Variants in ANKRD10 observed in about 807,000 individuals in gnomAD.
ANKRD10 encodes ankyrin repeat domain 10, also known as ankyrin repeat domain-containing protein 10.
In ANKRD10, 14 loss-of-function variants were observed where a neutral mutation model predicts 27.0. The observed-to-expected ratio is 0.52, with a 90% CI of 0.34 to 0.81. The LOEUF (loss-of-function observed/expected upper bound fraction) is 0.81, where lower values mean the gene tolerates loss of function less well. Ranked by LOEUF, ANKRD10 falls within the 40% of genes least tolerant of loss-of-function variation. The probability of loss-of-function intolerance (pLI) is 0.01; values close to 1 mark genes in which losing one functional copy is unlikely to be tolerated. For missense variants in ANKRD10, 493 were observed against 544.0 expected, an observed-to-expected ratio of 0.91 and a Z score of 0.93; for synonymous variants, 250 against 224.5, an observed-to-expected ratio of 1.11 and a Z score of -1.01.
At chr13:110,880,632 T>A (rs2064797865) in intron 5 of ANKRD10, among the ~76,000 whole-genome samples, 1 of 152,204 alleles carries the variant, frequency 6.6e-6, no homozygotes, top group African/African-American at 2.4e-5. Context: ...ATGAGGTTTT[T>A]AAAAAATCTT....
In ANKRD10 at chr13:110,893,151, T is replaced by C. The variant is rs1222469727; in HGVS notation, c.568A>G (p.Asn190Asp). Reference protein sequence around the residue: ...LQNCHLNHFYNNGILNGGHQN... With the variant: ...LQNCHLNHFYDNGILNGGHQN... The stretch of plus-strand genomic sequence containing the variant: ...TGACCCCCATTTAAGATGCCATTGT[T>C]ATAGAAATGGTTCAGATGACAATTC... The change falls in exon 4 of 6, where the codon AAC (asparagine) becomes GAC (aspartate). Residue 190 changes from asparagine to aspartate, a missense_variant. By Grantham distance (23) the Asn-to-Asp change is conservative. Transcript: ENST00000267339. 5.0e-6 allele frequency: 8 copies of C among 1,614,098 alleles called. No individual in the cohort carries two copies. Among genetic ancestry groups the C allele is most frequent in the Non-Finnish European group, 6.8e-6 (8 of 1,180,040 alleles).
At chr13:110,896,268 T>C (rs2065223795) in intron 3 of ANKRD10, among the ~76,000 whole-genome samples, 1 of 152,234 alleles carries the variant, frequency 6.6e-6, no homozygotes, top group Non-Finnish European at 1.5e-5. Flanking sequence ...GAAACAGAAA[T>C]ATCCAGCACC....
chr13:110,914,660 A>G (rs1456514176), intron 1 of ANKRD10, 65 bp downstream of exon 1: 8 of 1,503,880 alleles, frequency 5.3e-6, no homozygotes, highest in African/African-American at 2.8e-5. Flanking sequence ...CGCACCTCAG[A>G]CCCGCTTTCC....
intron 3 of ANKRD10, among the ~76,000 whole-genome samples, chr13:110,902,218 C>G (rs2065405285): frequency 6.6e-6 from 1 of 151,962 alleles, no homozygotes; most frequent in Admixed American, 6.6e-5. Context: ...AAAGAAACCA[C>G]GAATTTCAAA....
chr13:110,910,852 A>G, intron 1 of ANKRD10, 82 bp from the exon 2 acceptor site: 1 of 1,339,812 alleles, frequency 7.5e-7, no homozygotes, highest in Non-Finnish European at 1.0e-6. Flanking sequence ...GAAATTCTAT[A>G]ATGGTGACAA....
chr13:110,912,996 C>CCAAGGT (rs1166139763), intron 1 of ANKRD10, among the ~76,000 whole-genome samples: 1 of 152,246 alleles, frequency 6.6e-6, no homozygotes, highest in African/African-American at 2.4e-5. Flanking sequence ...AGCTACTACT[C>CCAAGGT]AAAGTCCCAT....
chr13:110,888,175 G>C (rs552559506), intron 4 of ANKRD10, among the ~76,000 whole-genome samples: 1 of 151,378 alleles, frequency 6.6e-6, no homozygotes, highest in Non-Finnish European at 1.5e-5. Context: ...AAAGACCGGG[G>C]GGGACTGGGG....
At chr13:110,902,864 G>C (rs2065423171) in intron 3 of ANKRD10, among the ~76,000 whole-genome samples, 1 of 137,414 alleles carries the variant, frequency 7.3e-6, no homozygotes, top group South Asian at 2.2e-4. Flanking sequence ...TTTACTAGCT[G>C]GTTGATATGG....
rs1251238698 is a variant in ANKRD10, at chr13:110,914,906, A to ACGCCCG, written c.23_28dup (p.Ala8_Gly9dup). ...CTCCTCGCTGGAGAAGCCCGCCTCT[A>ACGCCCG]CGCCCGCGCCCGCTCCCGCCGCCGA... is the stretch of plus-strand genomic sequence containing the variant. On this transcript the variant is annotated inframe_insertion, in exon 1 of 6. Coordinates refer to ENST00000267339, the MANE Select transcript of ANKRD10 (RefSeq NM_017664.4). 5.9e-6 allele frequency: 9 copies of ACGCCCG among 1,536,954 alleles called. No individual in the cohort carries two copies. The African/African-American group carries it at 6.9e-5, about 12-fold the overall frequency.
intron 3 of ANKRD10, among the ~76,000 whole-genome samples, chr13:110,897,194 A>G (rs542983794): frequency 2.0e-5 from 3 of 152,006 alleles, no homozygotes; most frequent in Admixed American, 6.5e-5. Context: ...TGGCACAATC[A>G]TAGTTCACCA....
chr13:110,892,430 AAAAAAAT>A (rs2065102235), intron 4 of ANKRD10, among the ~76,000 whole-genome samples: 2 of 147,226 alleles, frequency 1.4e-5, no homozygotes, highest in African/African-American at 5.0e-5. Context: ...AAAAAAAAAA[AAAAAAAT>A]GGTGGGAGAA....
chr13:110,904,654 C>T (rs1055548946), intron 3 of ANKRD10, among the ~76,000 whole-genome samples: 3 of 152,090 alleles, frequency 2.0e-5, no homozygotes, highest in Admixed American at 6.6e-5. Context: ...AAGAAAAATG[C>T]ACAAATAACT....
chr13:110,906,571 T>A (rs1304434314), intron 2 of ANKRD10, among the ~76,000 whole-genome samples: 1 of 152,138 alleles, frequency 6.6e-6, no homozygotes, highest in Non-Finnish European at 1.5e-5. Flanking sequence ...CCTACCCCAA[T>A]GCTAACCCGA....
At chr13:110,888,978 AACTC>A (rs540471339) in intron 4 of ANKRD10, among the ~76,000 whole-genome samples, 1 of 152,242 alleles carries the variant, frequency 6.6e-6, no homozygotes, top group African/African-American at 2.4e-5. Context: ...TCAGTTTTTA[AACTC>A]ACTGTGTTCC....
intron 1 of ANKRD10, among the ~76,000 whole-genome samples, chr13:110,913,926 G>A (rs1406944912): frequency 1.3e-5 from 2 of 152,194 alleles, no homozygotes; most frequent in Non-Finnish European, 2.9e-5. Flanking sequence ...AAACCTTAAA[G>A]CAGCACTGTG....
At chr13:110,911,320 C>T (rs1594643595) in intron 1 of ANKRD10, among the ~76,000 whole-genome samples, 1 of 151,698 alleles carries the variant, frequency 6.6e-6, no homozygotes, top group Admixed American at 6.6e-5. Context: ...GGCGTGGTGG[C>T]GGGCACCTGT....
chr13:110,887,319 G>T (rs1022016160), intron 4 of ANKRD10, among the ~76,000 whole-genome samples: 2 of 152,156 alleles, frequency 1.3e-5, no homozygotes, highest in African/African-American at 4.8e-5. Flanking sequence ...TTAGTTTCAA[G>T]TCCGGGAAGG....
At chr13:110,883,503 C>T in intron 5 of ANKRD10, 195 bp downstream of exon 5, 1 of 1,325,482 alleles carries the variant, frequency 7.5e-7, no homozygotes, top group Non-Finnish European at 9.6e-7. Flanking sequence ...CACTGGACAA[C>T]AAAGTGCAAA....
intron 5 of ANKRD10, 102 bp from the exon 6 acceptor site, chr13:110,880,214 CTTTT>C: frequency 3.0e-6 from 3 of 994,172 alleles, no homozygotes; most frequent in South Asian, 1.8e-5. Flanking sequence ...ATTTTAGTTT[CTTTT>C]TTTTCCTTTT....
Sources: gnomAD v4.1 joint callset for allele counts (sites outside exome capture counted in the v4.1 genomes callset) on GRCh38, gnomAD v4.1.1 for gene constraint, MANE v1.5 for transcripts, NCBI Gene and HGNC (gene_info 2026-07-23, HGNC 2026-07-21) for gene names.